Variants in CRAMP1 observed in about 807,000 individuals in gnomAD.
The protein encoded by CRAMP1 is cramped chromatin regulator 1.
CRAMP1 carries 50 observed loss-of-function variants against 115.4 expected under a neutral mutation model. The observed-to-expected ratio is 0.43, with a 90% CI of 0.35 to 0.55. The LOEUF (loss-of-function observed/expected upper bound fraction) is 0.55, where lower values mean the gene tolerates loss of function less well. Ranked by LOEUF, CRAMP1 falls within the 20% of genes least tolerant of loss-of-function variation. CRAMP1 has a pLI of 0.01. For synonymous variants in CRAMP1, 866 were observed against 745.4 expected (o/e 1.16, Z -2.64); for missense variants, 1,679 against 1,721.7 (o/e 0.98, Z 0.44).
At chr16:1,663,047 C>T (rs2036846444) in intron 13 of CRAMP1, among the ~76,000 whole-genome samples, 1 of 152,210 alleles carries the variant, frequency 6.6e-6, no homozygotes. Context: ...TGGAAATCCA[C>T]TTGCAAAAAA....
At position 1,653,118 on chromosome 16, in the gene CRAMP1, G is replaced by C; in HGVS notation, c.999G>C (p.Trp333Cys). Residue 333 changes from tryptophan (W) to cysteine (C), a missense_variant, in exon 8 of 21, where the codon TGG becomes TGC. By Grantham distance (215) the Trp-to-Cys change is radical. Transcript: ENST00000397412. ...IELQPRNNHAWARVQSLAQNP... is the reference protein window; with the variant it reads ...IELQPRNNHACARVQSLAQNP... ...TACAGCCGCGGAACAACCACGCCTG[G>C]GCCCGTGTGCAGAGCCTTGCCCAGA... 6.2e-7 allele frequency: 1 copy of C among 1,611,446 alleles called. No individual in the cohort carries two copies. The highest frequency in any genetic ancestry group is 8.5e-7 in the Non-Finnish European group (1 of 1,178,808).
intron 6 of CRAMP1, among the ~76,000 whole-genome samples, chr16:1,641,448 TCTCGACGCAGCA>T (rs1199019948): frequency 6.6e-6 from 1 of 152,190 alleles, no homozygotes; most frequent in Non-Finnish European, 1.5e-5. Context: ...GGCGTTGTGG[TCTCGACGCAGCA>T]CTCAGGGCCC....
At chr16:1,615,457 C>T (rs1292884286) in intron 2 of CRAMP1, among the ~76,000 whole-genome samples, 3 of 152,122 alleles carry the variant, frequency 2.0e-5, no homozygotes, top group Non-Finnish European at 4.4e-5. Flanking sequence ...CTGACTTGGA[C>T]CCATTGTCCT....
At chr16:1,658,236 C>T (rs61746455) in intron 10 of CRAMP1, among the ~76,000 whole-genome samples, 2,813 of 151,978 alleles carry the variant, frequency 0.019, 106 homozygotes, top group African/African-American at 0.064. Context: ...TGAGCCCAAC[C>T]CTCAGGCACC....
intron 14 of CRAMP1, 73 bp downstream of exon 14, chr16:1,665,211 G>A: frequency 1.1e-6 from 1 of 922,896 alleles, no homozygotes; most frequent in Non-Finnish European, 1.8e-6. Context: ...TGGAGACAAT[G>A]GGTGCTTATT....
rs749647085 is a variant in CRAMP1, at chr16:1,655,937, G to A, written c.1180G>A (p.Val394Met). The change falls in exon 10 of 21, where the codon GTG becomes ATG. Residue 394 changes from valine to methionine, a missense_variant. By Grantham distance (21) the Val-to-Met change is conservative. This residue lies in a region of CRAMP1 where 191 missense variants were observed against 236.2 expected (regional missense o/e 0.81). Transcript: ENST00000397412. ...ATGCTCCGCACCGATGCAGGAGAAG[G>A]TGACACTGCACTTGTTCCCAGGCGA... ...DSCSAPMQEK[V>M]TLHLFPGENC... 3.1e-6 allele frequency: 5 copies of A among 1,613,132 alleles called. No individual in the cohort carries two copies. In the Admixed American group the frequency reaches 6.7e-5, roughly 21 times the overall value.
rs2036840078 is a variant in CRAMP1, at chr16:1,662,414, C to T, written c.2414-76C>T. ...AAGAGAATGTCTTTCTGACTTTCTT[C>T]CCAACGGAATTCCGTGACCCTGGAC... On this transcript the variant is annotated intron_variant, in intron 11 of 20. Transcript: ENST00000397412. 1.2e-5 allele frequency: 15 copies of T among 1,228,186 alleles called. No individual in the cohort carries two copies. The South Asian group carries it at 2.0e-4, about 16-fold the overall frequency. 76.1% of individuals were successfully genotyped at this position (1,228,186 alleles called of 1,614,324 possible). A position where few individuals can be genotyped will look rare whatever the true frequency, so the allele number is the denominator to read the frequency against.
intron 6 of CRAMP1, among the ~76,000 whole-genome samples, chr16:1,641,439 G>A (rs557096533): frequency 6.6e-6 from 1 of 152,278 alleles, no homozygotes; most frequent in East Asian, 1.9e-4. Flanking sequence ...CTCTGGCTGG[G>A]CGTTGTGGTC....
At position 1,655,286 on chromosome 16, in the gene CRAMP1, C is replaced by T. The variant is rs2036761511; in HGVS notation, c.1105C>T (p.His369Tyr). The part of the protein sequence containing the change: ...IEFLKQKWAL[H>Y]EVRVRKTLEE... ...ATTCTTGAAGCAGAAGTGGGCGCTC[C>T]ATGAGGTGCGAGTTGTATCCTTTTC... is the stretch of plus-strand genomic sequence containing the variant. Residue 369 changes from histidine to tyrosine, a missense_variant, in exon 9 of 21, where the codon CAT becomes TAT. Physicochemically the swap from His to Tyr is moderately conservative, Grantham distance 83. Around this residue, in one of 8 missense-constraint regions of CRAMP1, gnomAD observed 191 missense variants for 236.2 expected, o/e 0.81. Coordinates refer to ENST00000397412, the MANE Select transcript of CRAMP1 (RefSeq NM_020825.4). 6.2e-7 allele frequency: 1 copy of T among 1,613,774 alleles called. No homozygotes were observed.
intron 13 of CRAMP1, among the ~76,000 whole-genome samples, chr16:1,664,843 A>T (rs2036860314): frequency 6.6e-6 from 1 of 151,304 alleles, no homozygotes; most frequent in South Asian, 2.1e-4. Context: ...GGGTTTGATT[A>T]CCTGGGTTTG....
chr16:1,663,670 G>A (rs2036851095), intron 13 of CRAMP1, among the ~76,000 whole-genome samples: 1 of 152,018 alleles, frequency 6.6e-6, no homozygotes. Flanking sequence ...CCATCACCAT[G>A]GTCTAATCCC....
intron 20 of CRAMP1, among the ~76,000 whole-genome samples, chr16:1,673,100 C>T (rs1206132329): frequency 6.6e-6 from 1 of 151,978 alleles, no homozygotes; most frequent in South Asian, 2.1e-4. Flanking sequence ...CTGACGGGAA[C>T]GTGCCCCCAG....
chr16:1,642,076 G>C (rs777683008), intron 6 of CRAMP1, among the ~76,000 whole-genome samples: 1 of 152,182 alleles, frequency 6.6e-6, no homozygotes, highest in Non-Finnish European at 1.5e-5. Flanking sequence ...ACTGCTCTCA[G>C]TTCACTGAAC....
rs200956828 is a variant in CRAMP1 at position 1,669,040 on chromosome 16, G to A, written c.3374G>A (p.Ser1125Asn). ...CTTTCTCCAGCAAAACTGAATGGCA[G>A]TGACAGTTCCAAGAGCCTTCCCTCC... ...VPLSPAKLNG[S>N]DSSKSLPSPS... The change falls in exon 19 of 21, where the codon AGT becomes AAT. Residue 1125 changes from serine to asparagine, a missense_variant. Around this residue, in one of 8 missense-constraint regions of CRAMP1, gnomAD observed 709 missense variants for 741.9 expected, o/e 0.96. Transcript: ENST00000397412. The surrounding 1 kb of genome is among the most constrained non-coding windows in gnomAD (Gnocchi z 4.6). 4 of 1,613,284 alleles carry A rather than the reference G, an allele frequency of 2.5e-6. No homozygotes were observed. The East Asian group carries it at 6.7e-5, about 27-fold the overall frequency.
intron 5 of CRAMP1, among the ~76,000 whole-genome samples, chr16:1,639,912 G>T (rs1049885074): frequency 1.3e-5 from 2 of 152,222 alleles, no homozygotes; most frequent in Non-Finnish European, 2.9e-5. Flanking sequence ...GCCTCATGAG[G>T]ATGCTCAAGT....
chr16:1,652,424 C>G (rs573569272), intron 6 of CRAMP1, 72 bp from the exon 7 acceptor site: 6 of 1,390,724 alleles, frequency 4.3e-6, no homozygotes, highest in Non-Finnish European at 5.9e-6. Flanking sequence ...CTCAGCGCCT[C>G]TCCGTGTGCT....
chr16:1,656,711 T>A lies in CRAMP1; in HGVS notation c.1954T>A (p.Ser652Thr). The stretch of plus-strand genomic sequence containing the variant: ...GGGGAGCCCCGCGGGGCCTCCGCCG[T>A]CTCAGGGACAGCCTGCCGCCAGGCC... The part of the protein sequence containing the change: ...EKGSPAGPPP[S>T]QGQPAARPPK... The change falls in exon 10 of 21, where the codon TCT (serine) becomes ACT (threonine). Residue 652 changes from serine (S) to threonine (T), a missense_variant. Coordinates refer to ENST00000397412, the MANE Select transcript of CRAMP1 (RefSeq NM_020825.4). This position sits in a 1 kb window ranked among gnomAD's most constrained non-coding sequence, Gnocchi z 5.6. The A allele has an allele frequency of 1.3e-6, 2 of 1,554,802 alleles. No homozygotes were observed. The highest frequency in any genetic ancestry group is 1.7e-6 in the Non-Finnish European group (2 of 1,149,890).
chr16:1,641,602 G>A (rs938105431), intron 6 of CRAMP1, among the ~76,000 whole-genome samples: 1 of 152,064 alleles, frequency 6.6e-6, no homozygotes, highest in Non-Finnish European at 1.5e-5. Flanking sequence ...GCCTTCTTGT[G>A]CCCTGGATGC....
rs28513133 is a variant in CRAMP1 at position 1,674,956 on chromosome 16, G to A, written c.*911G>A. 0.084 allele frequency: 12,864 copies of A among 152,254 alleles called. 605 individuals are homozygous for A. Among genetic ancestry groups the A allele is most frequent in the African/African-American group, 0.11 (4,691 of 41,532 alleles). 9.4% of individuals were successfully genotyped at this position (152,254 alleles called of 1,614,324 possible). On this transcript the variant is annotated 3_prime_UTR_variant, in exon 21 of 21. Coordinates refer to ENST00000397412, the MANE Select transcript of CRAMP1 (RefSeq NM_020825.4). ...TGATAAGTTCTCAAACTCGATGTGTGACTGTTTGGCACTTGAGACAAACCT... is the reference window on the plus strand; with the variant it reads ...TGATAAGTTCTCAAACTCGATGTGTAACTGTTTGGCACTTGAGACAAACCT...
Sources: gnomAD v4.1 joint callset for allele counts (sites outside exome capture counted in the v4.1 genomes callset) on GRCh38, gnomAD v4.1.1 for gene constraint, gnomAD v4.1.1 regional missense constraint, Gnocchi (gnomAD v3.1) non-coding constraint, MANE v1.5 for transcripts, NCBI Gene and HGNC (gene_info 2026-07-23, HGNC 2026-07-21) for gene names.